DMD: variants seen among roughly 807,000 people sequenced by gnomAD.
The protein encoded by DMD is dystrophin, also known as mutant dystrophin.
Under a neutral mutation model 330.1 loss-of-function variants are expected in DMD, and 63 were observed. That is an observed-to-expected ratio of 0.19 (90% CI 0.16 to 0.24). DMD has a LOEUF of 0.24. Ranked by LOEUF, DMD falls within the 10% of genes least tolerant of loss-of-function variation. The probability of loss-of-function intolerance (pLI) is 1.00; values close to 1 mark genes in which losing one functional copy is unlikely to be tolerated. For synonymous variants in DMD, 1,223 were observed against 959.8 expected (o/e 1.27, Z -5.07); for missense variants, 3,344 against 2,684.1 (o/e 1.25, Z -5.43).
In DMD at chrX:31,300,451, G is replaced by T. The variant is rs368416782; in HGVS notation, c.9224+23147C>A. 3.6e-5 allele frequency among the ~76,000 whole-genome samples: 4 copies of T among 111,984 alleles called. No individual in the cohort carries two copies. In the East Asian group the frequency reaches 1.1e-3, roughly 31 times the overall value. ...ACTATCAAATTACCTGTGTTATTGA[G>T]GTGAAAGGTGAATTTGTGGTGGCCT... is the stretch of plus-strand genomic sequence containing the variant. On this transcript the variant is annotated intron_variant, in intron 62 of 78. Coordinates refer to ENST00000357033, the MANE Select transcript of DMD (RefSeq NM_004006.3).
At chrX:32,798,329 T>C (rs189756351) in intron 7 of DMD, among the ~76,000 whole-genome samples, 10 of 94,054 alleles carry the variant, frequency 1.1e-4, no homozygotes, top group Non-Finnish European at 1.9e-4. Context: ...AAATACTCAG[T>C]TTTTTTATGG....
rs140727353 is a variant in DMD, at chrX:33,136,561, G to A, written c.31+74721C>T. On this transcript the variant is annotated intron_variant, in intron 1 of 78. Coordinates refer to ENST00000357033, the MANE Select transcript of DMD (RefSeq NM_004006.3). The stretch of plus-strand genomic sequence containing the variant: ...ATCCCCAATGCCACAGTATTAAGAG[G>A]TAGGGTTTTAAGAAGGTGATTAGGT... Among the ~76,000 whole-genome samples, 4 of 109,638 alleles carry A rather than the reference G, an allele frequency of 3.6e-5. No individual in the cohort carries two copies. The East Asian group carries it at 1.1e-3, about 31-fold the overall frequency.
At chrX:32,229,681 CATATATATATATAT>C (rs55916475) in intron 43 of DMD, among the ~76,000 whole-genome samples, 478 of 24,335 alleles carry the variant, frequency 0.02, 8 homozygotes, top group African/African-American at 0.056. Context: ...AGAGTTTCAT[CATATATATATATAT>C]ATATATATAT....
At chrX:33,156,971 A>T (rs2048535501) in intron 1 of DMD, among the ~76,000 whole-genome samples, 1 of 111,930 alleles carries the variant, frequency 8.9e-6, no homozygotes, top group Admixed American at 9.6e-5. Context: ...ACGATAAAAG[A>T]TACACGAAAC....
intron 33 of DMD, among the ~76,000 whole-genome samples, chrX:32,381,672 T>C (rs188102381): frequency 1.8e-5 from 2 of 111,950 alleles, no homozygotes; most frequent in African/African-American, 6.5e-5. Flanking sequence ...AAGGAATGAA[T>C]GAAGACTTGC....
intron 12 of DMD, among the ~76,000 whole-genome samples, chrX:32,605,982 A>G (rs900256531): frequency 3.6e-5 from 4 of 110,598 alleles, no homozygotes; most frequent in Non-Finnish European, 3.8e-5. Flanking sequence ...TAATCACATC[A>G]TGGAGAATTT....
intron 6 of DMD, among the ~76,000 whole-genome samples, chrX:32,809,919 C>CA (rs55898363): frequency 0.037 from 1,051 of 28,615 alleles, 54 homozygotes; most frequent in African/African-American, 0.073. Context: ...TTGTTTCTAC[C>CA]AAAAAAAAAA....
chrX:33,114,978 A>G (rs1264391967), intron 1 of DMD, among the ~76,000 whole-genome samples: 1 of 112,314 alleles, frequency 8.9e-6, no homozygotes, highest in Non-Finnish European at 1.9e-5. Context: ...AAAATTGTTA[A>G]TGTTTATAAC....
At chrX:33,108,106 AC>A in intron 1 of DMD, among the ~76,000 whole-genome samples, 1 of 111,659 alleles carries the variant, frequency 9.0e-6, no homozygotes. Flanking sequence ...AATTAGAATG[AC>A]TACCATTTTT....
At chrX:32,578,519 T>G (rs1472176950) in intron 13 of DMD, among the ~76,000 whole-genome samples, 1 of 112,070 alleles carries the variant, frequency 8.9e-6, no homozygotes, top group Admixed American at 9.5e-5. Flanking sequence ...AATTCACATG[T>G]CATATTGTTG....
chrX:32,580,911 C>G (rs963727265), intron 13 of DMD, among the ~76,000 whole-genome samples: 13 of 110,910 alleles, frequency 1.2e-4, no homozygotes, highest in African/African-American at 4.3e-4. Context: ...ACTGCAACCT[C>G]CACCACCCAA....
At chrX:32,619,281 T>G (rs140303013) in intron 11 of DMD, among the ~76,000 whole-genome samples, 1 of 111,141 alleles carries the variant, frequency 9.0e-6, no homozygotes, top group Non-Finnish European at 1.9e-5. Context: ...AAGTAGGGAA[T>G]GAATAGTGGT....
intron 45 of DMD, among the ~76,000 whole-genome samples, chrX:31,947,506 G>A (rs2095103696): frequency 8.9e-6 from 1 of 111,902 alleles, no homozygotes; most frequent in South Asian, 3.8e-4. Flanking sequence ...GATCTTCCCC[G>A]ACTGACTACG....
At chrX:31,327,432 T>C (rs2056853921) in intron 61 of DMD, among the ~76,000 whole-genome samples, 1 of 112,309 alleles carries the variant, frequency 8.9e-6, no homozygotes, top group South Asian at 3.7e-4. Flanking sequence ...AAATGCATGA[T>C]GAACAGAATG....
intron 30 of DMD, among the ~76,000 whole-genome samples, chrX:32,405,353 C>A (rs1268592417): frequency 1.8e-5 from 2 of 111,393 alleles, no homozygotes; most frequent in South Asian, 3.7e-4. Context: ...CCATGTGTTT[C>A]TTTGCAGTCA....
At chrX:32,595,028 A>G (rs1463161352) in intron 13 of DMD, among the ~76,000 whole-genome samples, 13 of 111,674 alleles carry the variant, frequency 1.2e-4, no homozygotes. Context: ...ATGACACTAC[A>G]GAGCTATATA....
chrX:32,473,303 A>T (rs1422870339), intron 21 of DMD, among the ~76,000 whole-genome samples: 1 of 111,581 alleles, frequency 9.0e-6, no homozygotes, highest in African/African-American at 3.3e-5. Flanking sequence ...AAGATTCAGA[A>T]GGAAATACCT....
chrX:32,450,704 C>T (rs934589194), intron 26 of DMD, among the ~76,000 whole-genome samples: 4 of 110,506 alleles, frequency 3.6e-5, no homozygotes, highest in Non-Finnish European at 5.7e-5. Flanking sequence ...TTCTGTTAAG[C>T]GGGTCTCAAA....
At chrX:32,827,061 C>CA (rs1446892204) in intron 4 of DMD, among the ~76,000 whole-genome samples, 6 of 56,448 alleles carry the variant, frequency 1.1e-4, no homozygotes, top group African/African-American at 4.2e-4. Context: ...ATCGCACCCC[C>CA]CCCCCACACA....
Sources: gnomAD v4.1 joint callset for allele counts (sites outside exome capture counted in the v4.1 genomes callset) on GRCh38, gnomAD v4.1.1 for gene constraint, MANE v1.5 for transcripts, NCBI Gene and HGNC (gene_info 2026-07-23, HGNC 2026-07-21) for gene names.